Variants in ARL15 observed in about 807,000 individuals in gnomAD.
The protein encoded by ARL15 is ARF like GTPase 15.
ARL15 carries 19 observed loss-of-function variants against 25.2 expected under a neutral mutation model. The ratio of observed to expected loss-of-function variants is 0.75; its 90% CI spans 0.53 to 1.10. ARL15 has a LOEUF of 1.10. Ranked by LOEUF, ARL15 falls within the 50% of genes least tolerant of loss-of-function variation. The pLI, the probability that ARL15 is intolerant of heterozygous loss-of-function variation, is 0.00. For missense variants in ARL15, 220 were observed against 246.0 expected, an observed-to-expected ratio of 0.89 and a Z score of 0.71; for synonymous variants, 94 against 86.8, an observed-to-expected ratio of 1.08 and a Z score of -0.46.
At chr5:54,244,941 G>C (rs1275276000) in intron 1 of ARL15, among the ~76,000 whole-genome samples, 1 of 151,906 alleles carries the variant, frequency 6.6e-6, no homozygotes, top group South Asian at 2.1e-4. Context: ...AATTTTCAAT[G>C]TGTGCTATTT....
intron 4 of ARL15, among the ~76,000 whole-genome samples, chr5:53,946,480 A>AC (rs1746735858): frequency 6.7e-6 from 1 of 149,974 alleles, no homozygotes. Flanking sequence ...AAAAAAAAAA[A>AC]GACATAATAA....
intron 4 of ARL15, among the ~76,000 whole-genome samples, chr5:53,962,224 T>C (rs1747393387): frequency 6.6e-6 from 1 of 152,298 alleles, no homozygotes; most frequent in East Asian, 1.9e-4. Context: ...ATATCCATAA[T>C]ACTTTTAATC....
At chr5:53,915,084 T>C (rs1324773401) in intron 4 of ARL15, among the ~76,000 whole-genome samples, 1 of 152,238 alleles carries the variant, frequency 6.6e-6, no homozygotes, top group African/African-American at 2.4e-5. Flanking sequence ...GTGCTGGGAT[T>C]ACAGGCATGA....
At chr5:54,051,233 CAGAT>C (rs1390063375) in intron 4 of ARL15, among the ~76,000 whole-genome samples, 3 of 152,116 alleles carry the variant, frequency 2.0e-5, no homozygotes, top group Non-Finnish European at 4.4e-5. Context: ...CACAAAGAAA[CAGAT>C]AGGGTAGGTA....
intron 4 of ARL15, among the ~76,000 whole-genome samples, chr5:53,932,516 CCTT>C (rs1049515323): frequency 5.1e-4 from 78 of 152,252 alleles, no homozygotes; most frequent in African/African-American, 1.7e-3. Flanking sequence ...AAGAAAAAAA[CCTT>C]CTAAGCGGAT....
chr5:53,961,459 T>A (rs1747367691), intron 4 of ARL15, among the ~76,000 whole-genome samples: 2 of 125,712 alleles, frequency 1.6e-5, no homozygotes, highest in South Asian at 5.1e-4. Context: ...GGTAGTACTA[T>A]CGCACTCCAG....
chr5:53,951,476 CAG>C (rs1746955302), intron 4 of ARL15: 2 of 469,718 alleles, frequency 4.3e-6, no homozygotes, highest in Non-Finnish European at 8.8e-6. Flanking sequence ...CATACTCAAA[CAG>C]ATATTTTGTG....
intron 1 of ARL15, among the ~76,000 whole-genome samples, chr5:54,253,172 G>A (rs528581340): frequency 6.6e-6 from 1 of 152,108 alleles, no homozygotes. Context: ...GGCATTTTAT[G>A]GCTTCTCGGC....
At chr5:54,249,422 G>T (rs1029687697) in intron 1 of ARL15, among the ~76,000 whole-genome samples, 8 of 152,116 alleles carry the variant, frequency 5.3e-5, no homozygotes, top group Non-Finnish European at 1.0e-4. Flanking sequence ...TTGAGTCAAC[G>T]AAGAAGGAAA....
chr5:53,885,179 A>G lies in ARL15; in HGVS notation c.*1382T>C, dbSNP rs1388780174. On this transcript the variant is annotated 3_prime_UTR_variant, in exon 5 of 5. Transcript: ENST00000504924. ...GTATCAGTCCATTTTACTTAAAATT[A>G]CAAACATGTTTTTACACTCATGTGC... 1 of 152,630 alleles carries G rather than the reference A, an allele frequency of 6.6e-6. No homozygotes were observed. Among genetic ancestry groups the G allele is most frequent in the Non-Finnish European group, 1.5e-5 (1 of 68,020 alleles). 9.5% of individuals were successfully genotyped at this position (152,630 alleles called of 1,614,324 possible).
chr5:54,274,011 G>A (rs912375742), intron 1 of ARL15, among the ~76,000 whole-genome samples: 1 of 152,198 alleles, frequency 6.6e-6, no homozygotes, highest in Non-Finnish European at 1.5e-5. Context: ...AAGGAATGCT[G>A]GCATTGGAAT....
intron 2 of ARL15, among the ~76,000 whole-genome samples, chr5:54,169,691 G>A (rs1467309387): frequency 6.6e-6 from 1 of 152,174 alleles, no homozygotes; most frequent in Admixed American, 6.5e-5. Flanking sequence ...CTGCCCTTAA[G>A]AGATTCTAAC....
At chr5:53,898,019 A>G (rs1242428077) in intron 4 of ARL15, among the ~76,000 whole-genome samples, 2 of 152,240 alleles carry the variant, frequency 1.3e-5, no homozygotes, top group African/African-American at 4.8e-5. Flanking sequence ...GTCATTAATA[A>G]GATAATAAGG....
chr5:54,279,431 C>G (rs1758000949), intron 1 of ARL15, among the ~76,000 whole-genome samples: 1 of 152,150 alleles, frequency 6.6e-6, no homozygotes, highest in Non-Finnish European at 1.5e-5. Context: ...TGTCCACCTT[C>G]TTATGTCCTC....
intron 4 of ARL15, among the ~76,000 whole-genome samples, chr5:54,086,152 G>C (rs1751957279): frequency 6.6e-6 from 1 of 152,152 alleles, no homozygotes; most frequent in Non-Finnish European, 1.5e-5. Flanking sequence ...GACCTCAGGT[G>C]ATCCGCCCGC....
intron 4 of ARL15, among the ~76,000 whole-genome samples, chr5:53,920,098 T>C (rs1745796646): frequency 6.6e-6 from 1 of 152,194 alleles, no homozygotes; most frequent in Non-Finnish European, 1.5e-5. Context: ...AGCTGTAATA[T>C]GTGAATAACT....
At chr5:53,970,506 G>A (rs1181546608) in intron 4 of ARL15, among the ~76,000 whole-genome samples, 1 of 152,148 alleles carries the variant, frequency 6.6e-6, no homozygotes, top group African/African-American at 2.4e-5. Context: ...GAGAGGGAGA[G>A]AGAGAGAGCG....
intron 1 of ARL15, among the ~76,000 whole-genome samples, chr5:54,259,673 A>C (rs1228596719): frequency 6.6e-6 from 1 of 152,172 alleles, no homozygotes; most frequent in Non-Finnish European, 1.5e-5. Flanking sequence ...AATGACTACA[A>C]TAACTCTTCT....
At chr5:54,040,645 G>C (rs1194891424) in intron 4 of ARL15, among the ~76,000 whole-genome samples, 1 of 152,102 alleles carries the variant, frequency 6.6e-6, no homozygotes, top group Non-Finnish European at 1.5e-5. Context: ...TTACCACCAT[G>C]TCCAACAGAG....
Sources: allele counts gnomAD v4.1 joint callset (sites outside exome capture counted in the v4.1 genomes callset), GRCh38; gene constraint gnomAD v4.1.1; transcripts MANE v1.5; gene names NCBI Gene and HGNC (gene_info 2026-07-23, HGNC 2026-07-21).